Variants in USP34 observed in about 807,000 individuals in gnomAD.
USP34 encodes ubiquitin specific peptidase 34, also known as ubiquitin carboxyl-terminal hydrolase 34.
In USP34, 70 loss-of-function variants were observed where a neutral mutation model predicts 460.3. The observed-to-expected ratio is 0.15, with a 90% CI of 0.13 to 0.19. The LOEUF (loss-of-function observed/expected upper bound fraction) is 0.19. Among genes scored for constraint, USP34 ranks in the 10% least tolerant of loss-of-function variants. The pLI, the probability that USP34 is intolerant of heterozygous loss-of-function variation, is 1.00. For synonymous variants in USP34, 1,647 were observed against 1,405.3 expected, an observed-to-expected ratio of 1.17 and a Z score of -3.85; for missense variants, 3,985 against 4,236.2, an observed-to-expected ratio of 0.94 and a Z score of 1.65.
chr2:61,420,998 A>T (rs1482370230), intron 1 of USP34, among the ~76,000 whole-genome samples, 165 bp from the exon 2 acceptor site: 2 of 152,170 alleles, frequency 1.3e-5, no homozygotes, highest in African/African-American at 2.4e-5. Context: ...ATATGGACTT[A>T]AGAACAGATT....
At chr2:61,397,456 A>G (rs1693569978) in intron 3 of USP34, among the ~76,000 whole-genome samples, 1 of 151,304 alleles carries the variant, frequency 6.6e-6, no homozygotes, top group Non-Finnish European at 1.5e-5. Context: ...AAAAAAAAAA[A>G]AAAATTCACG....
chr2:61,265,223 A>C, intron 43 of USP34, 174 bp downstream of exon 43: 1 of 679,340 alleles, frequency 1.5e-6, no homozygotes, highest in South Asian at 2.1e-5. Context: ...CATTATGAGT[A>C]ATCTACTAAA....
chr2:61,225,714 T>C (rs907537776), intron 62 of USP34, among the ~76,000 whole-genome samples: 89 of 152,364 alleles, frequency 5.8e-4, no homozygotes, highest in African/African-American at 2.1e-3. Flanking sequence ...TAAGTTTCTG[T>C]GAGCCTCTGG....
At chr2:61,365,276 C>CACAA (rs1405498167) in intron 10 of USP34, among the ~76,000 whole-genome samples, 9 of 148,912 alleles carry the variant, frequency 6.0e-5, no homozygotes, top group African/African-American at 2.3e-4. Context: ...CACACACACA[C>CACAA]ACACACACAC....
chr2:61,406,703 A>T (rs62149725), intron 2 of USP34, among the ~76,000 whole-genome samples: 6 of 32,302 alleles, frequency 1.9e-4, no homozygotes, highest in African/African-American at 4.5e-4. Flanking sequence ...ATGTGTATTT[A>T]AAAAAAAAAA....
chr2:61,188,827 A>C, intron 79 of USP34, 83 bp downstream of exon 79: 1 of 1,578,126 alleles, frequency 6.3e-7, no homozygotes, highest in Non-Finnish European at 8.6e-7. Context: ...TCAGCTGAAC[A>C]CACAACTCTT....
chr2:61,348,654 G>T, intron 14 of USP34, 102 bp downstream of exon 14: 1 of 1,470,168 alleles, frequency 6.8e-7, no homozygotes, highest in Non-Finnish European at 9.0e-7. Context: ...GTAAAGGAGA[G>T]GACAAGCCCA....
chr2:61,262,719 G>T (rs762055887), intron 43 of USP34, among the ~76,000 whole-genome samples: 1 of 152,130 alleles, frequency 6.6e-6, no homozygotes, highest in Non-Finnish European at 1.5e-5. Context: ...TAGCTGAGCC[G>T]AATAGTAATT....
At position 61,301,092 on chromosome 2, in the gene USP34, A is replaced by C; in HGVS notation, c.3987T>G (p.Ser1329=). 1 of 1,614,136 alleles carries C rather than the reference A, an allele frequency of 6.2e-7. No individual in the cohort carries two copies. Among genetic ancestry groups the C allele is most frequent in the East Asian group, 2.2e-5 (1 of 44,872 alleles). ...TGTCCTTCTGAGGGGGTGGGAGGCA[A>C]GATGCTGGCAGCTGAACACCTTCCC... The part of the protein sequence containing the change: ...RKGEGVQLPA[S]CLPPPQKDNI... The change falls in exon 29 of 80, where the codon TCT becomes TCG. Residue 1329 remains serine, a synonymous_variant. Transcript: ENST00000398571.
chr2:61,350,458 T>G (rs1161452406), intron 11 of USP34, 69 bp from the exon 12 acceptor site: 6 of 1,572,104 alleles, frequency 3.8e-6, no homozygotes, highest in South Asian at 2.4e-5. Flanking sequence ...ATATCCTTTT[T>G]GTCAAACTGA....
intron 76 of USP34, among the ~76,000 whole-genome samples, chr2:61,192,684 A>G (rs1273109391): frequency 6.6e-6 from 1 of 152,242 alleles, no homozygotes; most frequent in Admixed American, 6.5e-5. Flanking sequence ...TATTTAAAAT[A>G]TCCTCTATGA....
At chr2:61,260,821 T>C (rs1014776247) in intron 43 of USP34, among the ~76,000 whole-genome samples, 5 of 152,166 alleles carry the variant, frequency 3.3e-5, no homozygotes, top group Non-Finnish European at 4.4e-5. Context: ...AAGACCTGGA[T>C]TTATATTTTT....
chr2:61,281,237 T>G lies in USP34; in HGVS notation c.5004A>C (p.Ala1668=), dbSNP rs201015758. The G allele has an allele frequency of 6.2e-7, 1 of 1,611,152 alleles. No individual in the cohort carries two copies. The highest frequency in any genetic ancestry group is 1.1e-5 in the South Asian group (1 of 90,696). The change falls in exon 38 of 80, where the codon GCA becomes GCC. Residue 1668 remains alanine, a synonymous_variant. Transcript: ENST00000398571. The part of the protein sequence containing the change: ...KKLTLLIPET[A]VRHESCSGLY... Reference sequence around the variant, plus strand: ...GACCACTGCATGATTCATGACGAACTGCAGTCTAGATGAAAAAGAAAGTTC... The same window carrying G: ...GACCACTGCATGATTCATGACGAACGGCAGTCTAGATGAAAAAGAAAGTTC...
At chr2:61,251,802 G>A (rs1688590038) in intron 48 of USP34, among the ~76,000 whole-genome samples, 1 of 152,030 alleles carries the variant, frequency 6.6e-6, no homozygotes, top group Admixed American at 6.5e-5. Flanking sequence ...TGCCATAAAA[G>A]CTTCTTGATG....
intron 58 of USP34, among the ~76,000 whole-genome samples, chr2:61,230,614 G>A (rs1275524426): frequency 1.3e-5 from 2 of 151,950 alleles, no homozygotes; most frequent in African/African-American, 2.4e-5. Flanking sequence ...AGGCCAAGGC[G>A]GGCAAATCAC....
intron 2 of USP34, chr2:61,416,820 T>TGGGGGGGGGG (rs1246172627): frequency 3.7e-6 from 1 of 273,038 alleles, no homozygotes; most frequent in Non-Finnish European, 6.4e-6. Flanking sequence ...CTTTTTTTTT[T>TGGGGGGGGGG]TGGGGGGGGG....
At chr2:61,452,905 C>CAAA (rs57925421) in intron 1 of USP34, among the ~76,000 whole-genome samples, 27 of 127,098 alleles carry the variant, frequency 2.1e-4, no homozygotes, top group Non-Finnish European at 3.0e-4. Context: ...ACCCCACAAC[C>CAAA]AAAAAAAAAA....
Position 61,288,818 on chromosome 2 carries a change from T to C in USP34, c.4608A>G (p.Pro1536=). 1 of 1,613,848 alleles carries C rather than the reference T, an allele frequency of 6.2e-7. No homozygotes were observed. The highest frequency in any genetic ancestry group is 8.5e-7 in the Non-Finnish European group (1 of 1,179,946). The change falls in exon 34 of 80, where the codon CCA becomes CCG. Residue 1536 remains proline (P), a synonymous_variant. Transcript: ENST00000398571. ...CATGATAAGCTAAATCCAAATCGGA[T>C]GGATCTACTGCAAACTGGCATATTA... ...LKLICQFAVD[P]SDLDLAYHDV...
chr2:61,204,674 A>T (rs1687065883), intron 72 of USP34, 73 bp from the exon 73 acceptor site: 1 of 1,210,186 alleles, frequency 8.3e-7, no homozygotes, highest in Non-Finnish European at 1.2e-6. Context: ...CATCTTACAA[A>T]TCCTATGATT....
Sources: allele counts gnomAD v4.1 joint callset (sites outside exome capture counted in the v4.1 genomes callset), GRCh38; gene constraint gnomAD v4.1.1; transcripts MANE v1.5; gene names NCBI Gene and HGNC (gene_info 2026-07-23, HGNC 2026-07-21).